Variants in AKAP6 observed in about 807,000 individuals in gnomAD.
AKAP6 encodes the protein A-kinase anchoring protein 6.
A neutral mutation model predicts 188.5 loss-of-function variants in AKAP6; 58 were observed. The observed-to-expected ratio is 0.31, with a 90% CI of 0.25 to 0.38. The LOEUF is 0.38. Among genes scored for constraint, AKAP6 ranks in the 10% least tolerant of loss-of-function variants. The pLI is 1.00. For missense variants in AKAP6, 2,710 were observed against 2,740.0 expected (o/e 0.99, Z 0.24); for synonymous variants, 989 against 998.6 (o/e 0.99, Z 0.18).
intron 7 of AKAP6, among the ~76,000 whole-genome samples, chr14:32,669,652 C>T (rs865842708): frequency 9.2e-5 from 14 of 152,088 alleles, no homozygotes; most frequent in Non-Finnish European, 1.0e-4. Context: ...ATAGACATAC[C>T]CAAGACTGAA....
intron 9 of AKAP6, among the ~76,000 whole-genome samples, chr14:32,699,838 G>T (rs561889919): frequency 1.3e-5 from 2 of 152,152 alleles, no homozygotes; most frequent in Admixed American, 1.3e-4. Context: ...TCCTAAGTAG[G>T]ACAATTTAAT....
chr14:32,453,575 C>CTTT lies in AKAP6; in HGVS notation c.324+19795_324+19797dup, dbSNP rs71115071. On this transcript the variant is annotated intron_variant, in intron 2 of 13. Coordinates refer to ENST00000280979, the MANE Select transcript of AKAP6 (RefSeq NM_004274.5). Reference sequence around the variant, plus strand: ...GTGGAGATAATAGAATTTTTCTTTTCTTTTTTTTTTTTTTTTTTTTTTTTT... The same window carrying CTTT: ...GTGGAGATAATAGAATTTTTCTTTTCTTTTTTTTTTTTTTTTTTTTTTTTTTTT... 5.9e-4 allele frequency among the ~76,000 whole-genome samples: 56 copies of CTTT among 95,328 alleles called. 6 individuals carry two copies. The highest frequency in any genetic ancestry group is 1.0e-3 in the Admixed American group (7 of 6,908). 62.5% of individuals were successfully genotyped at this position (95,328 alleles called of 152,430 possible). A position where few individuals can be genotyped will look rare whatever the true frequency, so the allele number is the denominator to read the frequency against.
At chr14:32,800,119 TATATATACACAC>T (rs1566720726) in intron 12 of AKAP6, among the ~76,000 whole-genome samples, 1 of 142,934 alleles carries the variant, frequency 7.0e-6, no homozygotes, top group Non-Finnish European at 1.5e-5. Flanking sequence ...TATATACACA[TATATATACACAC>T]ATATATATAC....
At chr14:32,708,217 A>G (rs1014496978) in intron 9 of AKAP6, among the ~76,000 whole-genome samples, 2 of 152,100 alleles carry the variant, frequency 1.3e-5, no homozygotes, top group Non-Finnish European at 2.9e-5. Context: ...TACTTGTACC[A>G]TAGTTGGCAG....
Position 32,751,308 on chromosome 14 carries a change from C to T in AKAP6, c.3372+15426C>T, listed in dbSNP as rs572699076. Among the ~76,000 whole-genome samples the T allele has an allele frequency of 1.1e-4, 16 of 152,120 alleles. No individual in the cohort carries two copies. The East Asian group carries it at 3.1e-3, about 29-fold the overall frequency. ...CAGAAAATGTATTTTACTTTTACCT[C>T]ACATATAAACAATAGCTTGGCTGAA... On this transcript the variant is annotated intron_variant, in intron 11 of 13. Coordinates refer to ENST00000280979, the MANE Select transcript of AKAP6 (RefSeq NM_004274.5).
chr14:32,599,965 T>C (rs374385159), intron 6 of AKAP6, among the ~76,000 whole-genome samples: 1 of 152,230 alleles, frequency 6.6e-6, no homozygotes, highest in African/African-American at 2.4e-5. Flanking sequence ...TCTTTGCTGG[T>C]CTTTGCATTA....
intron 9 of AKAP6, among the ~76,000 whole-genome samples, chr14:32,723,702 G>A (rs1302597546): frequency 6.6e-6 from 1 of 151,780 alleles, no homozygotes; most frequent in Non-Finnish European, 1.5e-5. Flanking sequence ...TTTAGATGAG[G>A]CATATGCTCT....
intron 2 of AKAP6, among the ~76,000 whole-genome samples, chr14:32,523,014 A>G (rs1368317214): frequency 1.3e-5 from 2 of 152,212 alleles, no homozygotes; most frequent in Non-Finnish European, 2.9e-5. Flanking sequence ...GGATGAGTTC[A>G]TGTCCTTTGT....
chr14:32,552,587 AG>A lies in AKAP6; in HGVS notation c.2346+5590del, dbSNP rs529369483. On this transcript the variant is annotated intron_variant, in intron 4 of 13. Coordinates refer to ENST00000280979, the MANE Select transcript of AKAP6 (RefSeq NM_004274.5). ...GTTTGAAATAATTAATGAAGACCTT[AG>A]GAAAAAAACAGACTTAATGAAGGAG... is the stretch of plus-strand genomic sequence containing the variant. 6.1e-3 allele frequency among the ~76,000 whole-genome samples: 924 copies of A among 152,370 alleles called. 7 individuals are homozygous for A. The highest frequency in any genetic ancestry group is 0.021 in the African/African-American group (879 of 41,592).
chr14:32,400,426 C>G (rs747814984), intron 1 of AKAP6, among the ~76,000 whole-genome samples: 1 of 151,766 alleles, frequency 6.6e-6, no homozygotes, highest in Non-Finnish European at 1.5e-5. Context: ...CCAGATTTCT[C>G]TTTTTGTTGG....
At chr14:32,813,820 C>T (rs1353656735) in intron 12 of AKAP6, among the ~76,000 whole-genome samples, 1 of 151,230 alleles carries the variant, frequency 6.6e-6, no homozygotes, top group Non-Finnish European at 1.5e-5. Context: ...ATAGAACATT[C>T]AAGGTCTTTG....
intron 12 of AKAP6, 83 bp downstream of exon 12, chr14:32,773,976 A>G (rs1001345992): frequency 7.0e-7 from 1 of 1,424,420 alleles, no homozygotes; most frequent in African/African-American, 1.4e-5. Context: ...AACGGTGTTC[A>G]TCTTATAAAT....
intron 2 of AKAP6, among the ~76,000 whole-genome samples, chr14:32,499,672 G>C (rs1334314554): frequency 6.6e-6 from 1 of 151,558 alleles, no homozygotes; most frequent in East Asian, 1.9e-4. Flanking sequence ...CATGATGGTT[G>C]AGATATTTAC....
At chr14:32,751,252 T>C (rs557441953) in intron 11 of AKAP6, among the ~76,000 whole-genome samples, 2 of 152,296 alleles carry the variant, frequency 1.3e-5, no homozygotes, top group Non-Finnish European at 2.9e-5. Context: ...GAAAAGTCCA[T>C]TCCTAGTATT....
chr14:32,361,218 A>C (rs1477481232), intron 1 of AKAP6, among the ~76,000 whole-genome samples: 2 of 151,998 alleles, frequency 1.3e-5, no homozygotes, highest in Admixed American at 1.3e-4. Flanking sequence ...TGTCAGACTC[A>C]GGAAAAGCTT....
At chr14:32,786,401 A>G (rs1400635046) in intron 12 of AKAP6, among the ~76,000 whole-genome samples, 1 of 140,818 alleles carries the variant, frequency 7.1e-6, no homozygotes, top group Non-Finnish European at 1.5e-5. Flanking sequence ...TCCACCTCCC[A>G]GGTGCATGCC....
chr14:32,428,372 C>T (rs1266200076), intron 1 of AKAP6, among the ~76,000 whole-genome samples: 1 of 152,058 alleles, frequency 6.6e-6, no homozygotes, highest in Admixed American at 6.6e-5. Flanking sequence ...TGCATAGCAG[C>T]CCTCTCTGCA....
In AKAP6 at chr14:32,773,746, T is replaced by G. The variant is rs2032968652; in HGVS notation, c.3441T>G (p.Leu1147=). Residue 1147 remains leucine (L), a synonymous_variant, in exon 12 of 14, where the codon CTT becomes CTG. Coordinates refer to ENST00000280979, the MANE Select transcript of AKAP6 (RefSeq NM_004274.5). The stretch of plus-strand genomic sequence containing the variant: ...CCATTCTGCGACTATGCCAGCATCT[T>G]TTGGATGACCGGGAGACTTGCAATC... The part of the protein sequence containing the change: ...VASILRLCQH[L]LDDRETCNLN... 6.2e-7 allele frequency: 1 copy of G among 1,614,120 alleles called. No homozygotes were observed. The highest frequency in any genetic ancestry group is 1.3e-5 in the African/African-American group (1 of 75,050).
intron 3 of AKAP6, among the ~76,000 whole-genome samples, chr14:32,536,226 A>G (rs1428514676): frequency 6.6e-6 from 1 of 152,240 alleles, no homozygotes; most frequent in Non-Finnish European, 1.5e-5. Context: ...TGATAAGTCT[A>G]CAAGATGCCA....
Sources: gnomAD v4.1 joint callset for allele counts (sites outside exome capture counted in the v4.1 genomes callset) on GRCh38, gnomAD v4.1.1 for gene constraint, MANE v1.5 for transcripts, NCBI Gene and HGNC (gene_info 2026-07-23, HGNC 2026-07-21) for gene names.